Variants in KIAA1614 observed in about 807,000 individuals in gnomAD.
KIAA1614 encodes the protein KIAA1614, also known as uncharacterized protein KIAA1614.
A neutral mutation model predicts 88.7 loss-of-function variants in KIAA1614; 76 were observed. The observed-to-expected ratio is 0.86, with a 90% CI of 0.71 to 1.04. The LOEUF (loss-of-function observed/expected upper bound fraction) is 1.04, where lower values mean the gene tolerates loss of function less well. Among genes scored for constraint, KIAA1614 ranks in the 50% least tolerant of loss-of-function variants. The probability of loss-of-function intolerance (pLI) is 0.00; values close to 1 mark genes in which losing one functional copy is unlikely to be tolerated. For missense variants in KIAA1614, 1,553 were observed against 1,582.5 expected (o/e 0.98, Z 0.32); for synonymous variants, 714 against 675.5 (o/e 1.06, Z -0.88).
intron 7 of KIAA1614, chr1:180,943,925 T>C (rs1654526504): frequency 6.2e-6 from 1 of 160,934 alleles, no homozygotes; most frequent in Admixed American, 6.1e-5. Flanking sequence ...TTTTGTGAAC[T>C]CCTTGAATGA....
chr1:180,932,114 C>G (rs968629946), intron 4 of KIAA1614, among the ~76,000 whole-genome samples: 1 of 152,118 alleles, frequency 6.6e-6, no homozygotes, highest in Non-Finnish European at 1.5e-5. Flanking sequence ...CCAGAATCCT[C>G]GTGTGGGTTC....
At chr1:180,934,886 A>G (rs1188967688) in intron 4 of KIAA1614, among the ~76,000 whole-genome samples, 1 of 152,222 alleles carries the variant, frequency 6.6e-6, no homozygotes, top group Non-Finnish European at 1.5e-5. Flanking sequence ...AAAGCACGGA[A>G]GGTGGCCTTG....
intron 3 of KIAA1614, among the ~76,000 whole-genome samples, chr1:180,926,474 GA>G (rs60582450): frequency 0.23 from 29,155 of 126,166 alleles, 3,543 homozygotes; most frequent in South Asian, 0.4. Flanking sequence ...CAGCTGATGA[GA>G]AAAAAAAAAA....
chr1:180,923,540 T>C (rs1327929056), intron 3 of KIAA1614, among the ~76,000 whole-genome samples: 4 of 152,198 alleles, frequency 2.6e-5, no homozygotes, highest in Non-Finnish European at 4.4e-5. Context: ...CTGGCCACTT[T>C]TGCTCTTATT....
intron 3 of KIAA1614, among the ~76,000 whole-genome samples, chr1:180,922,996 C>T (rs75303091): frequency 0.025 from 3,846 of 152,288 alleles, 152 homozygotes; most frequent in African/African-American, 0.087. Flanking sequence ...GCTCACAGAA[C>T]GCAAGGAAAC....
chr1:180,949,254 T>G lies in KIAA1614; in HGVS notation c.*3666T>G, dbSNP rs59416544. On this transcript the variant is annotated 3_prime_UTR_variant, in exon 9 of 9. Coordinates refer to ENST00000367588, the MANE Select transcript of KIAA1614 (RefSeq NM_020950.2). ...CGCTGAGCAGCCTGAATTCCGCCAG[T>G]GCTGATGCCCACACCAGGGGTGTGC... 11,346 of 152,438 alleles carry G rather than the reference T, an allele frequency of 0.074. 1,198 individuals are homozygous for G. The highest frequency in any genetic ancestry group is 0.23 in the African/African-American group (9,743 of 41,576). 9.4% of individuals were successfully genotyped at this position (152,438 alleles called of 1,614,324 possible). A position where few individuals can be genotyped will look rare whatever the true frequency, so the allele number is the denominator to read the frequency against.
chr1:180,945,096 A>G, intron 8 of KIAA1614: 1 of 543,146 alleles, frequency 1.8e-6, no homozygotes, highest in Non-Finnish European at 3.1e-6. Context: ...CTAGTTCCAC[A>G]GCAGGCCTTG....
chr1:180,941,016 G>A lies in KIAA1614; in HGVS notation c.2919-29G>A, dbSNP rs199810918. 577 of 121,908 alleles carry A rather than the reference G, an allele frequency of 4.7e-3. 3 individuals carry two copies. The African/African-American group carries it at 0.079, about 17-fold the overall frequency. 7.6% of individuals were successfully genotyped at this position (121,908 alleles called of 1,614,324 possible). A position where few individuals can be genotyped will look rare whatever the true frequency, so the allele number is the denominator to read the frequency against. On this transcript the variant is annotated intron_variant, in intron 6 of 8. Transcript: ENST00000367588. ...CTGGCCACCCTCCCGGCCCTCCCCC[G>A]CCCCCTCACCTCCACCCTTGTGTTT...
chr1:180,926,474 GAAAAAAAAAA>G (rs60582450), intron 3 of KIAA1614, among the ~76,000 whole-genome samples: 11 of 126,892 alleles, frequency 8.7e-5, no homozygotes, highest in African/African-American at 2.8e-4. Context: ...CAGCTGATGA[GAAAAAAAAAA>G]AAAAAAAAAA....
chr1:180,925,452 A>G (rs1250422807), intron 3 of KIAA1614, among the ~76,000 whole-genome samples: 1 of 152,224 alleles, frequency 6.6e-6, no homozygotes. Context: ...AGATCCCTCT[A>G]CATTCCCAGT....
In KIAA1614 at chr1:180,936,220, G is replaced by C. The variant is rs375678402; in HGVS notation, c.2311G>C (p.Glu771Gln). 12 of 1,614,040 alleles carry C rather than the reference G, an allele frequency of 7.4e-6. No individual in the cohort carries two copies. The African/African-American group carries it at 1.5e-4, about 20-fold the overall frequency. ...CCAGGCCCAGGTTACAGAAAGCCAC[G>C]AGTCCCTGGAAATTGTCTCTCCTTC... Reference protein sequence around the residue: ...GGQAQVTESHESLEIVSPSSL... With the variant: ...GGQAQVTESHQSLEIVSPSSL... The change falls in exon 5 of 9, where the codon GAG becomes CAG. Residue 771 changes from glutamate (E) to glutamine (Q), a missense_variant. Transcript: ENST00000367588.
Position 180,938,727 on chromosome 1 carries a change from AAG to A in KIAA1614, c.2918+19_2918+20del, listed in dbSNP as rs1654388301. 1.2e-6 allele frequency: 2 copies of A among 1,612,256 alleles called. No homozygotes were observed. The highest frequency in any genetic ancestry group is 1.3e-5 in the African/African-American group (1 of 74,922). On this transcript the variant is annotated intron_variant, in intron 6 of 8. Transcript: ENST00000367588. ...TGCTGTCAAGGTGAGTGACAGGAGA[AAG>A]AGCCAGATTGCAGAAGGAGGTGGGA...
intron 3 of KIAA1614, among the ~76,000 whole-genome samples, chr1:180,924,265 C>T (rs1273592823): frequency 6.6e-6 from 1 of 152,270 alleles, no homozygotes; most frequent in Non-Finnish European, 1.5e-5. Flanking sequence ...GCCCTCTCCT[C>T]TGCCTGCCAG....
chr1:180,944,538 T>C, intron 8 of KIAA1614, 22 bp downstream of exon 8: 1 of 1,610,542 alleles, frequency 6.2e-7, no homozygotes, highest in Non-Finnish European at 8.5e-7. Context: ...ACACATGGTT[T>C]GGAGGATAAA....
intron 3 of KIAA1614, among the ~76,000 whole-genome samples, chr1:180,923,747 C>T (rs575118729): frequency 1.3e-4 from 20 of 152,086 alleles, no homozygotes; most frequent in Admixed American, 3.9e-4. Context: ...TGGGGAGTCC[C>T]GGCTGAGTGC....
chr1:180,917,634 G>A lies in KIAA1614; in HGVS notation c.998-217G>A, dbSNP rs188071778. On this transcript the variant is annotated intron_variant, in intron 2 of 8. Coordinates refer to ENST00000367588, the MANE Select transcript of KIAA1614 (RefSeq NM_020950.2). ...AAATCTCACAAGCTCATTCATCACC[G>A]CATGCCTGAGCCCAGGCATGTGGTC... Among the ~76,000 whole-genome samples, 189 of 152,190 alleles carry A rather than the reference G, an allele frequency of 1.2e-3. 1 individual carries two copies. The highest frequency in any genetic ancestry group is 2.1e-3 in the Non-Finnish European group (145 of 68,006).
rs149708476 is a variant in KIAA1614 at position 180,945,402 on chromosome 1, C to T, written c.3387C>T (p.Asp1129=). 4.5e-5 allele frequency: 72 copies of T among 1,604,114 alleles called. No individual in the cohort carries two copies. Among genetic ancestry groups the T allele is most frequent in the African/African-American group, 2.3e-4 (17 of 74,384 alleles). The stretch of plus-strand genomic sequence containing the variant: ...GCCGCCTGGTGGAGGTGTTCCCAGA[C>T]GGCACCAGCCAGCTGCAGCTGCAGC... The part of the protein sequence containing the change: ...TVGRLVEVFP[D]GTSQLQLQRS... The change falls in exon 9 of 9, where the codon GAC becomes GAT. Residue 1129 remains aspartate (D), a synonymous_variant. Coordinates refer to ENST00000367588, the MANE Select transcript of KIAA1614 (RefSeq NM_020950.2).
In KIAA1614 at chr1:180,950,368, G is replaced by A. The variant is rs1025514210; in HGVS notation, c.*4780G>A. On this transcript the variant is annotated 3_prime_UTR_variant, in exon 9 of 9. Transcript: ENST00000367588. ...TCTACGTGCAGGAGATGGCTGACAT[G>A]AGCATGGCCAAGCTGTACTCAGGGC... is the stretch of plus-strand genomic sequence containing the variant. 19 of 1,230,084 alleles carry A rather than the reference G, an allele frequency of 1.5e-5. No individual in the cohort carries two copies. Among genetic ancestry groups the A allele is most frequent in the African/African-American group, 1.1e-4 (7 of 62,198 alleles). 76.2% of individuals were successfully genotyped at this position (1,230,084 alleles called of 1,614,324 possible).
intron 5 of KIAA1614, among the ~76,000 whole-genome samples, chr1:180,937,987 G>T (rs150223537): frequency 6.6e-6 from 1 of 152,172 alleles, no homozygotes; most frequent in Non-Finnish European, 1.5e-5. Flanking sequence ...CCCTTAGCCT[G>T]CCAGCATCCT....
Sources: gnomAD v4.1 joint callset for allele counts (sites outside exome capture counted in the v4.1 genomes callset) on GRCh38, gnomAD v4.1.1 for gene constraint, MANE v1.5 for transcripts, NCBI Gene and HGNC (gene_info 2026-07-23, HGNC 2026-07-21) for gene names.